Variants in SYDE2 observed in about 807,000 individuals in gnomAD.
The protein encoded by SYDE2 is rho GTPase-activating protein SYDE2.
Under a neutral mutation model 91.5 loss-of-function variants are expected in SYDE2, and 76 were observed. The ratio of observed to expected loss-of-function variants is 0.83; its 90% CI spans 0.69 to 1.01. SYDE2 has a LOEUF of 1.01. Ranked by LOEUF, SYDE2 falls within the 50% of genes least tolerant of loss-of-function variation. The pLI is 0.00. For synonymous variants in SYDE2, 513 were observed against 506.4 expected, an observed-to-expected ratio of 1.01 and a Z score of -0.18; for missense variants, 1,364 against 1,367.7, an observed-to-expected ratio of 1.00 and a Z score of 0.04.
chr1:85,155,901 A>C (rs1444743556), downstream of SYDE2, among the ~76,000 whole-genome samples: 3 of 152,240 alleles, frequency 2.0e-5, no homozygotes, highest in African/African-American at 7.2e-5. Flanking sequence ...AAAGGACAGT[A>C]ATGGAAGGGA....
rs1557748698 is a variant in SYDE2 at position 85,178,181 on chromosome 1, C to G, written c.2636G>C (p.Cys879Ser). 1 of 1,583,818 alleles carries G rather than the reference C, an allele frequency of 6.3e-7. No homozygotes were observed. The highest frequency in any genetic ancestry group is 8.6e-7 in the Non-Finnish European group (1 of 1,163,668). ...FERDSKAVGLCENQYPDINVI... is the reference protein window; with the variant it reads ...FERDSKAVGLSENQYPDINVI... ...ATTTATATCTGGGTACTGGTTTTCACACAGACCAACAGCTTTGCTATCTCT... is the reference window on the plus strand; with the variant it reads ...ATTTATATCTGGGTACTGGTTTTCAGACAGACCAACAGCTTTGCTATCTCT... Residue 879 changes from cysteine (C) to serine (S), a missense_variant, in exon 4 of 7, where the codon TGT becomes TCT. Coordinates refer to ENST00000341460, the MANE Select transcript of SYDE2 (RefSeq NM_032184.2).
chr1:85,165,574 A>G (rs1279922071), intron 5 of SYDE2, among the ~76,000 whole-genome samples: 1 of 149,642 alleles, frequency 6.7e-6, no homozygotes. Context: ...TTCTTAACTA[A>G]TATACATATA....
At chr1:85,185,660 A>T (rs2100678321) in intron 2 of SYDE2, among the ~76,000 whole-genome samples, 1 of 152,212 alleles carries the variant, frequency 6.6e-6, no homozygotes, top group East Asian at 1.9e-4. Flanking sequence ...GTATCCTGAG[A>T]CTTTGCTGAA....
Position 85,190,481 on chromosome 1 carries a change from T to G in SYDE2, c.1017A>C (p.Thr339=), listed in dbSNP as rs1256875688. Residue 339 remains threonine, a synonymous_variant, in exon 2 of 7, where the codon ACA becomes ACC. Coordinates refer to ENST00000341460, the MANE Select transcript of SYDE2 (RefSeq NM_032184.2). The part of the protein sequence containing the change: ...SFLKSSKEYC[T]YVVCNATNSS... ...AGTTTGTAGCGTTACATACCACATA[T>G]GTACAGTACTCTTTAGATGATTTGA... is the stretch of plus-strand genomic sequence containing the variant. The G allele has an allele frequency of 1.2e-6, 2 of 1,613,890 alleles. No homozygotes were observed. The highest frequency in any genetic ancestry group is 2.2e-5 in the East Asian group (1 of 44,902).
In SYDE2 at chr1:85,182,366, C is replaced by CA; in HGVS notation, c.2275dup (p.Cys759LeufsTer13). The CA allele has an allele frequency of 6.2e-7, 1 of 1,613,862 alleles. No individual in the cohort carries two copies. The highest frequency in any genetic ancestry group is 8.5e-7 in the Non-Finnish European group (1 of 1,179,838). ...GGGAAGAACAACAGTTCCATGACAACAAACTCGATTTTTTCTTGGAGTGGG... is the reference window on the plus strand; with the variant it reads ...GGGAAGAACAACAGTTCCATGACAACAAAACTCGATTTTTTCTTGGAGTGGG... On this transcript the variant is annotated frameshift_variant, in exon 3 of 7. Coordinates refer to ENST00000341460, the MANE Select transcript of SYDE2 (RefSeq NM_032184.2). LOFTEE classifies it high-confidence loss of function.
At chr1:85,161,516 A>T (rs1359342894) in intron 6 of SYDE2, among the ~76,000 whole-genome samples, 1 of 152,108 alleles carries the variant, frequency 6.6e-6, no homozygotes, top group Non-Finnish European at 1.5e-5. Flanking sequence ...ACTTGAAGTC[A>T]GGAGTTCGAG....
intron 6 of SYDE2, among the ~76,000 whole-genome samples, chr1:85,163,589 A>G (rs899470579): frequency 6.6e-6 from 1 of 151,326 alleles, no homozygotes; most frequent in Non-Finnish European, 1.5e-5. Context: ...TGAGGCAGGC[A>G]TGATTTAGAG....
chr1:85,194,942 C>G (rs984862065), intron 1 of SYDE2: 1 of 462,174 alleles, frequency 2.2e-6, no homozygotes, highest in Admixed American at 6.4e-5. Context: ...GGGCGGATCA[C>G]GAGGTCAGGA....
At chr1:85,162,957 G>A (rs1259175061) in intron 6 of SYDE2, among the ~76,000 whole-genome samples, 2 of 152,088 alleles carry the variant, frequency 1.3e-5, no homozygotes, top group Admixed American at 6.5e-5. Context: ...ATCAAATGCT[G>A]AAATTAGCTC....
chr1:85,159,278 T>A, intron 6 of SYDE2, 29 bp from the exon 7 acceptor site: 1 of 769,662 alleles, frequency 1.3e-6, no homozygotes, highest in Non-Finnish European at 2.4e-6. Flanking sequence ...TTTGCTTTAG[T>A]GACAGTAATC....
Position 85,182,872 on chromosome 1 carries a change from G to A in SYDE2, c.1770C>T (p.Ser590=). 6.2e-7 allele frequency: 1 copy of A among 1,613,722 alleles called. No individual in the cohort carries two copies. The highest frequency in any genetic ancestry group is 8.5e-7 in the Non-Finnish European group (1 of 1,179,766). Residue 590 remains serine (S), a synonymous_variant, in exon 3 of 7, where the codon AGC becomes AGT. Transcript: ENST00000341460. ...ATACACTGGTATCAAGATGGTATCG[G>A]CTTATAACATTCCTCTTAGCAGCGG... is the stretch of plus-strand genomic sequence containing the variant. The part of the protein sequence containing the change: ...TTTAAKRNVI[S]RYHLDTSVSS...
Position 85,182,518 on chromosome 1 carries a change from T to C in SYDE2, c.2124A>G (p.Val708=). ...CTGTTCTTGCTTTGTTTACTGAATC[T>C]ACCTGAATTGCACAAAAGACGTCTT... ...DSKDVFCAIQ[V]DSVNKARTAL... Residue 708 remains valine (V), a synonymous_variant, in exon 3 of 7, where the codon GTA becomes GTG. Transcript: ENST00000341460. 1 of 1,613,922 alleles carries C rather than the reference T, an allele frequency of 6.2e-7. No homozygotes were observed. Among genetic ancestry groups the C allele is most frequent in the Non-Finnish European group, 8.5e-7 (1 of 1,179,870 alleles).
rs755046975 is a variant in SYDE2, at chr1:85,182,239, A to C, written c.2403T>G (p.Ser801=). ...CTTGGTTTATATCTAGTCCATGAAG[A>C]GAATTCTCCCACTGTTCCATAAGAG... is the stretch of plus-strand genomic sequence containing the variant. ...KVTLMEQWEN[S]LHGLDINQEP... The change falls in exon 3 of 7, where the codon TCT becomes TCG. Residue 801 remains serine, a synonymous_variant. Transcript: ENST00000341460. 1.2e-6 allele frequency: 2 copies of C among 1,610,118 alleles called. No individual in the cohort carries two copies. Among genetic ancestry groups the C allele is most frequent in the Admixed American group, 3.4e-5 (2 of 59,212 alleles).
At chr1:85,164,795 G>A (rs1307934809) in intron 5 of SYDE2, 38 bp from the exon 6 acceptor site, 5 of 1,212,090 alleles carry the variant, frequency 4.1e-6, no homozygotes, top group Admixed American at 4.0e-5. Flanking sequence ...TAGTCATAAA[G>A]AGGCAAATTC....
intron 4 of SYDE2, among the ~76,000 whole-genome samples, chr1:85,171,439 G>A (rs577586081): frequency 2.4e-4 from 37 of 152,188 alleles, no homozygotes; most frequent in Admixed American, 2.1e-3. Context: ...AGGCCAAGTC[G>A]AGGAAAAATG....
intron 4 of SYDE2, 36 bp downstream of exon 4, chr1:85,178,110 C>T (rs758455070): frequency 1.3e-5 from 19 of 1,492,552 alleles, no homozygotes; most frequent in Non-Finnish European, 1.6e-5. Context: ...TGTAGTCTTT[C>T]CAGAAAGAGT....
At position 85,158,554 on chromosome 1, in the gene SYDE2, C is replaced by T. The variant is rs1571220346; in HGVS notation, c.*196G>A. 8.6e-6 allele frequency: 4 copies of T among 464,836 alleles called. No individual in the cohort carries two copies. The highest frequency in any genetic ancestry group is 1.5e-5 in the Non-Finnish European group (4 of 268,552). 28.8% of individuals were successfully genotyped at this position (464,836 alleles called of 1,614,324 possible). On this transcript the variant is annotated 3_prime_UTR_variant, in exon 7 of 7. Transcript: ENST00000341460. Reference sequence around the variant, plus strand: ...CCAAGAAGTCCAAGTTTTATTGATCCCCAGAAAAGTTTTCTAGTGAGATAA... The same window carrying T: ...CCAAGAAGTCCAAGTTTTATTGATCTCCAGAAAAGTTTTCTAGTGAGATAA...
chr1:85,174,713 A>C (rs1657628932), intron 4 of SYDE2, among the ~76,000 whole-genome samples: 1 of 152,080 alleles, frequency 6.6e-6, no homozygotes, highest in East Asian at 1.9e-4. Flanking sequence ...ACTCAGACCA[A>C]ATGGCTCTCA....
chr1:85,194,311 G>A (rs115576034), intron 1 of SYDE2, among the ~76,000 whole-genome samples: 1,914 of 150,510 alleles, frequency 0.013, 38 homozygotes, highest in African/African-American at 0.044. Flanking sequence ...TCATATATAT[G>A]AAATATGTTA....
Sources: allele counts gnomAD v4.1 joint callset (sites outside exome capture counted in the v4.1 genomes callset), GRCh38; gene constraint gnomAD v4.1.1; transcripts MANE v1.5; gene names NCBI Gene and HGNC (gene_info 2026-07-23, HGNC 2026-07-21).